PLXNA2: variants seen among roughly 807,000 people sequenced by gnomAD.
PLXNA2 encodes plexin A2.
In PLXNA2, 91 loss-of-function variants were observed where a neutral mutation model predicts 193.5. The observed-to-expected ratio is 0.47, with a 90% CI of 0.40 to 0.56. The LOEUF is 0.56. PLXNA2 is among the 20% of genes least tolerant of loss of function. PLXNA2 has a pLI of 0.00. For missense variants in PLXNA2, 1,995 were observed against 2,503.2 expected, an observed-to-expected ratio of 0.80 and a Z score of 4.33; for synonymous variants, 997 against 1,027.3, an observed-to-expected ratio of 0.97 and a Z score of 0.56.
At chr1:208,215,653 GGA>G (rs1459211117) in intron 2 of PLXNA2, among the ~76,000 whole-genome samples, 1 of 151,932 alleles carries the variant, frequency 6.6e-6, no homozygotes, top group Non-Finnish European at 1.5e-5. Context: ...ATGGATGGAT[GGA>G]GAGATGCATG....
In PLXNA2 at chr1:208,053,981, T is replaced by TA. The variant is rs1444571064; in HGVS notation, c.2856+439dup. On this transcript the variant is annotated intron_variant, in intron 14 of 31. Coordinates refer to ENST00000367033, the MANE Select transcript of PLXNA2 (RefSeq NM_025179.4). ...TCAGTGACTCTTCTAAACTCCCACT[T>TA]AAAATATCCTTGGCAGAAAACAAAG... Among the ~76,000 whole-genome samples the TA allele has an allele frequency of 4.6e-5, 7 of 152,308 alleles. No individual in the cohort carries two copies. In the Middle Eastern group the frequency reaches 0.01, roughly 222 times the overall value.
chr1:208,049,913 A>C (rs564142991), intron 17 of PLXNA2, among the ~76,000 whole-genome samples: 1 of 152,224 alleles, frequency 6.6e-6, no homozygotes, highest in Admixed American at 6.5e-5. Context: ...CAAAGCAGTA[A>C]TGATAGTAAT....
chr1:208,079,789 G>T (rs1422732706), intron 11 of PLXNA2, among the ~76,000 whole-genome samples: 2 of 113,556 alleles, frequency 1.8e-5, no homozygotes, highest in South Asian at 2.4e-4. Flanking sequence ...GATAATCGTT[G>T]TTTTTTTTTG....
intron 26 of PLXNA2, among the ~76,000 whole-genome samples, chr1:208,035,717 A>T (rs600278): frequency 0.42 from 63,177 of 152,050 alleles, 13,812 homozygotes; most frequent in East Asian, 0.75. Flanking sequence ...AACAATTTTT[A>T]TGAACTTTAT....
rs571701438 is a variant in PLXNA2, at chr1:208,027,721, A to G, written c.5589+288T>C. Among the ~76,000 whole-genome samples the G allele has an allele frequency of 5.9e-5, 9 of 152,366 alleles. No individual in the cohort carries two copies. The South Asian group carries it at 1.9e-3, about 32-fold the overall frequency. On this transcript the variant is annotated intron_variant, in intron 31 of 31. Coordinates refer to ENST00000367033, the MANE Select transcript of PLXNA2 (RefSeq NM_025179.4). ...CAGGATCTGCCCGAATGCAAAGAAT[A>G]GTTTGATTCATTAAGAGAGAATGAA...
At chr1:208,231,305 A>AAGCC (rs972728043) in intron 1 of PLXNA2, among the ~76,000 whole-genome samples, 1 of 151,954 alleles carries the variant, frequency 6.6e-6, no homozygotes, top group Non-Finnish European at 1.5e-5. Flanking sequence ...TGTGAGAGAG[A>AAGCC]AGCCGGGAAA....
Position 208,028,977 on chromosome 1 carries a change from C to G in PLXNA2, c.5291G>C (p.Gly1764Ala). Residue 1764 changes from glycine to alanine, a missense_variant, in exon 30 of 32, where the codon GGC becomes GCC. Gly to Ala is a moderately conservative substitution (Grantham distance 60). Coordinates refer to ENST00000367033, the MANE Select transcript of PLXNA2 (RefSeq NM_025179.4). This position sits in a 1 kb window ranked among gnomAD's most constrained non-coding sequence, Gnocchi z 4.2. ...NPQFVFDIHK[G>A]SITDACLSVV... ...AGAGAGGCAGGCGTCCGTGATGCTG[C>G]CCTTGTGGATGTCAAACACGAACTG... 2 of 1,613,998 alleles carry G rather than the reference C, an allele frequency of 1.2e-6. No homozygotes were observed. The highest frequency in any genetic ancestry group is 1.7e-6 in the Non-Finnish European group (2 of 1,179,986).
chr1:208,191,896 C>A (rs1387141534), intron 3 of PLXNA2, among the ~76,000 whole-genome samples: 1 of 152,102 alleles, frequency 6.6e-6, no homozygotes, highest in African/African-American at 2.4e-5. Flanking sequence ...GAGAACACTG[C>A]ACACAAAGCC....
intron 4 of PLXNA2, among the ~76,000 whole-genome samples, chr1:208,108,389 G>T (rs1165910609): frequency 6.6e-6 from 1 of 152,174 alleles, no homozygotes; most frequent in Admixed American, 6.5e-5. Context: ...CCTGGACAGA[G>T]CCCCTGGGCA....
intron 17 of PLXNA2, among the ~76,000 whole-genome samples, chr1:208,048,966 A>G (rs2102330931): frequency 6.6e-6 from 1 of 152,136 alleles, no homozygotes; most frequent in East Asian, 1.9e-4. Context: ...CCCTTTCCAC[A>G]CTATCCTCAT....
chr1:208,092,794 T>C lies in PLXNA2; in HGVS notation c.2089A>G (p.Ile697Val). 6.2e-7 allele frequency: 1 copy of C among 1,612,218 alleles called. No individual in the cohort carries two copies. Among genetic ancestry groups the C allele is most frequent in the Non-Finnish European group, 8.5e-7 (1 of 1,178,620 alleles). Residue 697 changes from isoleucine to valine, a missense_variant, in exon 9 of 32, where the codon ATT becomes GTT. By Grantham distance (29) the Ile-to-Val change is conservative. Transcript: ENST00000367033. ...GGGTAAGCCCTTCTTACCTCTGAAATATTGATCCGGCCCTCCTGGAAGGAG... is the reference window on the plus strand; with the variant it reads ...GGGTAAGCCCTTCTTACCTCTGAAACATTGATCCGGCCCTCCTGGAAGGAG... ...TCSFQEGRIN[I>V]SEDCPQLVPT...
At chr1:208,192,965 G>A (rs1670233142) in intron 3 of PLXNA2, among the ~76,000 whole-genome samples, 1 of 150,804 alleles carries the variant, frequency 6.6e-6, no homozygotes, top group Admixed American at 6.6e-5. Context: ...ACAACTTTGA[G>A]AATCTAATGT....
At chr1:208,073,857 C>A (rs555962818) in intron 12 of PLXNA2, among the ~76,000 whole-genome samples, 1 of 152,188 alleles carries the variant, frequency 6.6e-6, no homozygotes, top group East Asian at 1.9e-4. Flanking sequence ...TTCTACAAGC[C>A]AAGGAACAGC....
intron 4 of PLXNA2, among the ~76,000 whole-genome samples, chr1:208,121,505 G>A (rs545657166): frequency 9.5e-4 from 144 of 152,182 alleles, no homozygotes; most frequent in African/African-American, 3.2e-3. Context: ...TGCTGTTCTC[G>A]TGATAATGAG....
In PLXNA2 at chr1:208,034,796, T is replaced by C. The variant is rs555296118; in HGVS notation, c.4765-204A>G. ...AACCCAATCAAATAGCTACTTGCCA[T>C]GTGTGTGGATTGAGCATTTGAAATG... On this transcript the variant is annotated intron_variant, in intron 26 of 31. Coordinates refer to ENST00000367033, the MANE Select transcript of PLXNA2 (RefSeq NM_025179.4). Among the ~76,000 whole-genome samples the C allele has an allele frequency of 5.3e-5, 8 of 152,340 alleles. No individual in the cohort carries two copies. The South Asian group carries it at 1.7e-3, about 32-fold the overall frequency.
At chr1:208,228,818 A>G (rs1169640939) in intron 1 of PLXNA2, among the ~76,000 whole-genome samples, 2 of 152,074 alleles carry the variant, frequency 1.3e-5, no homozygotes, top group Non-Finnish European at 2.9e-5. Flanking sequence ...TTGCCTATCC[A>G]TACCCAGCCC....
At position 208,044,682 on chromosome 1, in the gene PLXNA2, G is replaced by A; in HGVS notation, c.3700C>T (p.Leu1234=). The change falls in exon 20 of 32, where the codon CTG becomes TTG. Residue 1234 remains leucine, a synonymous_variant. Coordinates refer to ENST00000367033, the MANE Select transcript of PLXNA2 (RefSeq NM_025179.4). This position sits in a 1 kb window ranked among gnomAD's most constrained non-coding sequence, Gnocchi z 4.9. The stretch of plus-strand genomic sequence containing the variant: ...ATGCTGACGATGGCTGGCAGGGTCA[G>A]CAAGCTGTCTGAGATGACACTCACC... The part of the protein sequence containing the change: ...GSVSVISDSL[L]TLPAIVSIAA... The A allele has an allele frequency of 1.9e-6, 3 of 1,614,144 alleles. 1 individual carries two copies. The highest frequency in any genetic ancestry group is 2.2e-5 in the South Asian group (2 of 91,076).
intron 29 of PLXNA2, chr1:208,029,461 G>A: frequency 9.9e-7 from 1 of 1,009,306 alleles, no homozygotes; most frequent in Non-Finnish European, 1.2e-6. Flanking sequence ...GCAGCCAGGA[G>A]CCCCAGGCTC....
chr1:208,113,005 CAAA>C (rs5780433), intron 4 of PLXNA2, among the ~76,000 whole-genome samples: 1 of 114,654 alleles, frequency 8.7e-6, no homozygotes, highest in African/African-American at 3.5e-5. Flanking sequence ...GAAGGACCTA[CAAA>C]AAAAAAAAAA....
Sources: gnomAD v4.1 joint callset for allele counts (sites outside exome capture counted in the v4.1 genomes callset) on GRCh38, gnomAD v4.1.1 for gene constraint, Gnocchi (gnomAD v3.1) non-coding constraint, MANE v1.5 for transcripts, NCBI Gene and HGNC (gene_info 2026-07-23, HGNC 2026-07-21) for gene names.